GRB10: variants seen among roughly 807,000 people sequenced by gnomAD.
GRB10 encodes the protein growth factor receptor bound protein 10.
In GRB10, 20 loss-of-function variants were observed where a neutral mutation model predicts 80.9. The ratio of observed to expected loss-of-function variants is 0.25; its 90% CI spans 0.17 to 0.36. GRB10 has a LOEUF of 0.36. Among genes scored for constraint, GRB10 ranks in the 10% least tolerant of loss-of-function variants. The probability of loss-of-function intolerance (pLI) is 1.00; values close to 1 mark genes in which losing one functional copy is unlikely to be tolerated. For missense variants in GRB10, 548 were observed against 747.7 expected, an observed-to-expected ratio of 0.73 and a Z score of 3.12; for synonymous variants, 291 against 291.5, an observed-to-expected ratio of 1.00 and a Z score of 0.02.
At chr7:50,709,557 C>CTTTT (rs386410130) in intron 4 of GRB10, among the ~76,000 whole-genome samples, 1 of 143,924 alleles carries the variant, frequency 6.9e-6, no homozygotes, top group Middle Eastern at 3.3e-3. Context: ...CCATTAAACT[C>CTTTT]TTTTTTTTTG....
chr7:50,669,862 G>A lies in GRB10; in HGVS notation c.364C>T (p.Arg122Cys), dbSNP rs993924030. Residue 122 changes from arginine (R) to cysteine (C), a missense_variant and splice_region_variant, in exon 7 of 19, where the codon CGC (arginine) becomes TGC (cysteine). Transcript: ENST00000401949. Reference protein sequence around the residue: ...SQPVHILAVRRLQEEDQQFRT... With the variant: ...SQPVHILAVRCLQEEDQQFRT... ...AACTGCTGGTCTTCCTCCTGAAGGC[G>A]CCTGGAAGGCAGGGATAAGTGCCTG... is the stretch of plus-strand genomic sequence containing the variant. The A allele has an allele frequency of 5.6e-6, 9 of 1,609,954 alleles. No individual in the cohort carries two copies. Among genetic ancestry groups the A allele is most frequent in the Admixed American group, 5.0e-5 (3 of 59,502 alleles).
At chr7:50,611,099 C>T (rs551265432) in intron 13 of GRB10, among the ~76,000 whole-genome samples, 13 of 152,286 alleles carry the variant, frequency 8.5e-5, no homozygotes, top group East Asian at 5.8e-4. Context: ...CCTATCTGCA[C>T]AGCTGCCTCT....
At chr7:50,669,056 C>T (rs2060092631) in intron 7 of GRB10, among the ~76,000 whole-genome samples, 1 of 152,338 alleles carries the variant, frequency 6.6e-6, no homozygotes, top group South Asian at 2.1e-4. Flanking sequence ...GTACTGACAT[C>T]CAGGTGCCCG....
At chr7:50,622,224 G>A (rs549501416) in intron 8 of GRB10, among the ~76,000 whole-genome samples, 1 of 152,198 alleles carries the variant, frequency 6.6e-6, no homozygotes, top group Non-Finnish European at 1.5e-5. Flanking sequence ...AAATTTTAGT[G>A]GGGGAAAGGA....
At chr7:50,719,209 A>T (rs1026205212) in intron 4 of GRB10, among the ~76,000 whole-genome samples, 1 of 152,216 alleles carries the variant, frequency 6.6e-6, no homozygotes, top group Non-Finnish European at 1.5e-5. Flanking sequence ...CACAGAACAC[A>T]AGGGAAGGCC....
intron 9 of GRB10, among the ~76,000 whole-genome samples, chr7:50,618,748 C>T (rs1278915331): frequency 2.0e-5 from 3 of 152,244 alleles, no homozygotes; most frequent in African/African-American, 7.2e-5. Context: ...CAGCTCAAGA[C>T]ACCAACCAAT....
intron 7 of GRB10, among the ~76,000 whole-genome samples, chr7:50,644,980 G>A (rs145788722): frequency 6.6e-6 from 1 of 152,244 alleles, no homozygotes; most frequent in African/African-American, 2.4e-5. Flanking sequence ...ACTGCAAAAG[G>A]GCTATAATCC....
In GRB10 at chr7:50,664,424, C is replaced by A. The variant is rs536750402; in HGVS notation, c.504+5298G>T. 2.0e-5 allele frequency among the ~76,000 whole-genome samples: 3 copies of A among 152,290 alleles called. No individual in the cohort carries two copies. In the East Asian group the frequency reaches 5.8e-4, roughly 29 times the overall value. ...ACAGCAGAGGGAGACAGTCACCAGG[C>A]CGTGGCGGGGGGCCAGCCCACCTGC... is the stretch of plus-strand genomic sequence containing the variant. On this transcript the variant is annotated intron_variant, in intron 7 of 18. Coordinates refer to ENST00000401949, the MANE Select transcript of GRB10 (RefSeq NM_001350814.2).
intron 17 of GRB10, among the ~76,000 whole-genome samples, chr7:50,599,319 G>C (rs2047198476): frequency 6.6e-6 from 1 of 152,180 alleles, no homozygotes; most frequent in Non-Finnish European, 1.5e-5. Context: ...TATACTGTCT[G>C]TCCAGAATCT....
At chr7:50,595,309 G>C (rs917251894) in intron 18 of GRB10, 128 bp downstream of exon 18, 17 of 704,660 alleles carry the variant, frequency 2.4e-5, no homozygotes, top group Non-Finnish European at 3.8e-5. Flanking sequence ...ATTCTTGAAA[G>C]TTTCTTAACT....
chr7:50,620,583 G>A (rs1012200796), intron 8 of GRB10, among the ~76,000 whole-genome samples: 2 of 152,204 alleles, frequency 1.3e-5, no homozygotes, highest in South Asian at 4.1e-4. Flanking sequence ...TTTAAAGCCA[G>A]AGTTTGTGAA....
At chr7:50,661,995 T>G (rs2059328974) in intron 7 of GRB10, among the ~76,000 whole-genome samples, 1 of 152,238 alleles carries the variant, frequency 6.6e-6, no homozygotes, top group Admixed American at 6.5e-5. Context: ...GATTTGGTTT[T>G]ATTTCTTGCA....
At chr7:50,643,668 GT>G (rs1207898857) in intron 7 of GRB10, among the ~76,000 whole-genome samples, 2 of 152,192 alleles carry the variant, frequency 1.3e-5, no homozygotes, top group East Asian at 1.9e-4. Context: ...GAGTAACCCT[GT>G]TTTTAGTCAA....
At chr7:50,771,697 G>A (rs2076994453) in intron 2 of GRB10, among the ~76,000 whole-genome samples, 1 of 152,200 alleles carries the variant, frequency 6.6e-6, no homozygotes, top group Non-Finnish European at 1.5e-5. Flanking sequence ...TAAACTGGTA[G>A]AAGAGACCAG....
intron 4 of GRB10, among the ~76,000 whole-genome samples, chr7:50,706,505 C>T (rs1202590988): frequency 2.0e-5 from 3 of 152,184 alleles, no homozygotes; most frequent in Non-Finnish European, 4.4e-5. Flanking sequence ...CCCTTCTACC[C>T]GGAGTGGAGG....
chr7:50,670,296 T>G (rs1194788456), intron 6 of GRB10, among the ~76,000 whole-genome samples: 1 of 152,090 alleles, frequency 6.6e-6, no homozygotes, highest in Non-Finnish European at 1.5e-5. Context: ...GGGGAATCGC[T>G]GTTTATTGGG....
chr7:50,753,128 G>T (rs1384858132), intron 3 of GRB10, among the ~76,000 whole-genome samples: 13 of 152,202 alleles, frequency 8.5e-5, no homozygotes, highest in Admixed American at 8.5e-4. Flanking sequence ...TCACTATAGG[G>T]TCTGGGATTC....
intron 6 of GRB10, among the ~76,000 whole-genome samples, chr7:50,670,719 A>C (rs1469152245): frequency 1.3e-5 from 2 of 152,212 alleles, no homozygotes; most frequent in Admixed American, 1.3e-4. Context: ...TGAAATGAGC[A>C]TTAATCTAAT....
chr7:50,671,008 T>C (rs2060300423), intron 6 of GRB10, among the ~76,000 whole-genome samples: 1 of 152,106 alleles, frequency 6.6e-6, no homozygotes, highest in South Asian at 2.1e-4. Context: ...ACACACAGTA[T>C]GACGAATCAG....
Sources: allele counts gnomAD v4.1 joint callset (sites outside exome capture counted in the v4.1 genomes callset), GRCh38; gene constraint gnomAD v4.1.1; transcripts MANE v1.5; gene names NCBI Gene and HGNC (gene_info 2026-07-23, HGNC 2026-07-21).